Variants in CD2 observed in about 807,000 individuals in gnomAD.
CD2 encodes the protein T-cell surface antigen CD2.
In CD2, 18 loss-of-function variants were observed where a neutral mutation model predicts 23.2. The observed-to-expected ratio is 0.77, with a 90% CI of 0.54 to 1.15. The LOEUF is 1.15. Ranked by LOEUF, CD2 falls within the 50% of genes most tolerant of loss-of-function variation. CD2 has a pLI of 0.00. For synonymous variants in CD2, 162 were observed against 151.9 expected (o/e 1.07, Z -0.49); for missense variants, 424 against 423.1 (o/e 1.00, Z -0.02).
At chr1:116,757,191 T>A (rs1651882791) in intron 2 of CD2, among the ~76,000 whole-genome samples, 1 of 152,010 alleles carries the variant, frequency 6.6e-6, no homozygotes. Context: ...GAGACGGGGT[T>A]TCGCCATGTT....
chr1:116,760,483 A>C lies in CD2; in HGVS notation c.464A>C (p.Glu155Ala). ...GAGGTAATGAATGGAACTGACCCCG[A>C]ATTAAACCTGTATCAAGATGGGAAA... ...TCEVMNGTDP[E>A]LNLYQDGKHL... Residue 155 changes from glutamate (E) to alanine (A), a missense_variant, in exon 3 of 5, where the codon GAA becomes GCA. Physicochemically the swap from Glu to Ala is moderately radical, Grantham distance 107. Transcript: ENST00000369478. 2 of 1,614,210 alleles carry C rather than the reference A, an allele frequency of 1.2e-6. No individual in the cohort carries two copies. The highest frequency in any genetic ancestry group is 1.7e-6 in the Non-Finnish European group (2 of 1,180,026).
rs116048247 is a variant in CD2, at chr1:116,763,860, C to T, written c.614-624C>T. ...TGCTGTTACTAACGCACTGTGCACC[C>T]GGGTTTCTCTCGTGGCTCCAGGGAA... On this transcript the variant is annotated intron_variant, in intron 3 of 4. Coordinates refer to ENST00000369478, the MANE Select transcript of CD2 (RefSeq NM_001767.5). Among the ~76,000 whole-genome samples, 1,055 of 152,246 alleles carry T rather than the reference C, an allele frequency of 6.9e-3. 14 individuals carry two copies. The highest frequency in any genetic ancestry group is 0.024 in the African/African-American group (981 of 41,544).
intron 2 of CD2, among the ~76,000 whole-genome samples, chr1:116,758,776 A>G (rs1193647388): frequency 6.6e-6 from 1 of 152,152 alleles, no homozygotes; most frequent in Non-Finnish European, 1.5e-5. Context: ...GTGCTTGCTT[A>G]CATGATCTTA....
In CD2 at chr1:116,757,752, TAG is replaced by T. The variant is rs369185297; in HGVS notation, c.383-2627_383-2626del. On this transcript the variant is annotated intron_variant, in intron 2 of 4. Coordinates refer to ENST00000369478, the MANE Select transcript of CD2 (RefSeq NM_001767.5). ...TTTTAAAATATTACATATATATATA[TAG>T]AGAGAGAGAGAGAGAGAGAGAGGCA... Among the ~76,000 whole-genome samples the T allele has an allele frequency of 1.0e-3, 144 of 140,420 alleles. 1 individual carries two copies. Among genetic ancestry groups the T allele is most frequent in the Admixed American group, 1.9e-3 (26 of 13,674 alleles). The allele number at this position is 140,420 out of a possible 152,430, so 92.1% of individuals were successfully genotyped here. A position where few individuals can be genotyped will look rare whatever the true frequency, so the allele number is the denominator to read the frequency against.
In CD2 at chr1:116,754,433, C is replaced by G. The variant is rs948263269; in HGVS notation, c.-60C>G. The G allele has an allele frequency of 6.4e-5, 93 of 1,443,606 alleles. No individual in the cohort carries two copies. The highest frequency in any genetic ancestry group is 5.0e-4 in the Admixed American group (28 of 55,458). 89.4% of individuals were successfully genotyped at this position (1,443,606 alleles called of 1,614,324 possible). ...CTCTCGGGGTGTGGACTCCACCAGT[C>G]TCACTTCAGTTCCTTTTGCATGAAG... On this transcript the variant is annotated 5_prime_UTR_variant, in exon 1 of 5. Coordinates refer to ENST00000369478, the MANE Select transcript of CD2 (RefSeq NM_001767.5).
At chr1:116,758,943 T>G (rs1206597880) in intron 2 of CD2, among the ~76,000 whole-genome samples, 1 of 152,188 alleles carries the variant, frequency 6.6e-6, no homozygotes, top group African/African-American at 2.4e-5. Context: ...GCAAGGATGA[T>G]GACCTTTTCT....
intron 4 of CD2, 59 bp from the exon 5 acceptor site, chr1:116,768,405 A>C (rs1303714385): frequency 6.6e-7 from 1 of 1,514,094 alleles, no homozygotes; most frequent in African/African-American, 1.4e-5. Context: ...AAAGGTACTC[A>C]ATATTTACAT....
chr1:116,768,224 C>G lies in CD2; in HGVS notation c.737-240C>G, dbSNP rs141291773. On this transcript the variant is annotated intron_variant, in intron 4 of 4. Coordinates refer to ENST00000369478, the MANE Select transcript of CD2 (RefSeq NM_001767.5). ...GAGCCCCAGGCACAAAGCCCTCCACCCATGTGTCTTCTTCCTGCTGATTCC... is the reference window on the plus strand; with the variant it reads ...GAGCCCCAGGCACAAAGCCCTCCACGCATGTGTCTTCTTCCTGCTGATTCC... 4.3e-3 allele frequency among the ~76,000 whole-genome samples: 654 copies of G among 152,254 alleles called. 6 individuals carry two copies. The highest frequency in any genetic ancestry group is 0.027 in the Middle Eastern group (8 of 294).
At chr1:116,756,219 C>T (rs1001472655) in intron 2 of CD2, among the ~76,000 whole-genome samples, 2 of 152,094 alleles carry the variant, frequency 1.3e-5, no homozygotes, top group African/African-American at 4.8e-5. Context: ...CTGAAAAGGG[C>T]CTCTGATTAT....
At chr1:116,755,805 G>A (rs1484431772) in intron 2 of CD2, among the ~76,000 whole-genome samples, 1 of 152,162 alleles carries the variant, frequency 6.6e-6, no homozygotes, top group Non-Finnish European at 1.5e-5. Context: ...TTAGGCAAGG[G>A]AGAGAAGGTA....
chr1:116,764,821 A>T, intron 4 of CD2: 1 of 557,332 alleles, frequency 1.8e-6, no homozygotes, highest in Non-Finnish European at 3.2e-6. Context: ...GAGCTTTGAG[A>T]CACTGAATCC....
rs1652026998 is a variant in CD2 at position 116,760,814 on chromosome 1, GT to G, written c.613+186del. 2.0e-5 allele frequency among the ~76,000 whole-genome samples: 3 copies of G among 152,318 alleles called. No homozygotes were observed. In the South Asian group the frequency reaches 6.2e-4, roughly 32 times the overall value. ...GCATCAGGGGAGGTGGTGTTCTATG[GT>G]TTTCCATCCTGGGAGTCCTCCCACT... On this transcript the variant is annotated intron_variant, in intron 3 of 4. Coordinates refer to ENST00000369478, the MANE Select transcript of CD2 (RefSeq NM_001767.5).
chr1:116,761,659 T>C (rs1020967009), intron 3 of CD2, among the ~76,000 whole-genome samples: 1 of 152,164 alleles, frequency 6.6e-6, no homozygotes, highest in African/African-American at 2.4e-5. Context: ...CCACATTCAA[T>C]CAGAGGGGAT....
intron 4 of CD2, 89 bp from the exon 5 acceptor site, chr1:116,768,375 A>C: frequency 8.0e-7 from 1 of 1,247,610 alleles, no homozygotes; most frequent in Non-Finnish European, 1.1e-6. Flanking sequence ...CAAAGCAGCT[A>C]GCATGGCGCC....
At position 116,754,813 on chromosome 1, in the gene CD2, G is replaced by A. The variant is rs749760513; in HGVS notation, c.244G>A (p.Asp82Asn). ...RKEKETFKEK[D>N]TYKLFKNGTL... ...AGAGAAAGAGACTTTCAAGGAAAAAGATACATATAAGCTATTTAAAAATGG... is the reference window on the plus strand; with the variant it reads ...AGAGAAAGAGACTTTCAAGGAAAAAAATACATATAAGCTATTTAAAAATGG... The change falls in exon 2 of 5, where the codon GAT becomes AAT. Residue 82 changes from aspartate to asparagine, a missense_variant. Transcript: ENST00000369478. 6.2e-7 allele frequency: 1 copy of A among 1,612,982 alleles called. No homozygotes were observed. Among genetic ancestry groups the A allele is most frequent in the Non-Finnish European group, 8.5e-7 (1 of 1,179,432 alleles).
intron 2 of CD2, among the ~76,000 whole-genome samples, chr1:116,760,125 T>A (rs1651993528): frequency 1.3e-5 from 2 of 152,206 alleles, no homozygotes; most frequent in Non-Finnish European, 2.9e-5. Flanking sequence ...AGTGATGTCA[T>A]ATATGTGAAA....
At position 116,768,748 on chromosome 1, in the gene CD2, G is replaced by A. The variant is rs1316003958; in HGVS notation, c.1021G>A (p.Ala341Thr). Residue 341 changes from alanine to threonine, a missense_variant, in exon 5 of 5, where the codon GCA (alanine) becomes ACA (threonine). Ala to Thr is a moderately conservative substitution (Grantham distance 58). Transcript: ENST00000369478. ...PRVQPKPPHG[A>T]AENSLSPSSN ...AGTTCAGCCAAAACCTCCCCATGGG[G>A]CAGCAGAAAACTCATTGTCCCCTTC... is the stretch of plus-strand genomic sequence containing the variant. 6.2e-7 allele frequency: 1 copy of A among 1,613,766 alleles called. No homozygotes were observed. The highest frequency in any genetic ancestry group is 8.5e-7 in the Non-Finnish European group (1 of 1,179,924).
intron 2 of CD2, among the ~76,000 whole-genome samples, chr1:116,758,244 G>A (rs538514343): frequency 1.3e-5 from 2 of 152,072 alleles, no homozygotes; most frequent in Non-Finnish European, 2.9e-5. Context: ...GAAAGCCCAC[G>A]GATGCTGGGC....
chr1:116,764,946 G>A (rs1438735253), intron 4 of CD2, among the ~76,000 whole-genome samples: 1 of 152,112 alleles, frequency 6.6e-6, no homozygotes, highest in Non-Finnish European at 1.5e-5. Context: ...CCAAAACACC[G>A]TTTCTAGGAA....
Sources: allele counts gnomAD v4.1 joint callset (sites outside exome capture counted in the v4.1 genomes callset), GRCh38; gene constraint gnomAD v4.1.1; transcripts MANE v1.5; gene names NCBI Gene and HGNC (gene_info 2026-07-23, HGNC 2026-07-21).